PKHD1L1: variants seen among roughly 807,000 people sequenced by gnomAD.
PKHD1L1 encodes fibrocystin-L.
PKHD1L1 carries 434 observed loss-of-function variants against 462.9 expected under a neutral mutation model. That is an observed-to-expected ratio of 0.94 (90% confidence interval 0.87 to 1.02). The LOEUF (loss-of-function observed/expected upper bound fraction) is 1.02, where lower values mean the gene tolerates loss of function less well. Ranked by LOEUF, PKHD1L1 falls within the 50% of genes least tolerant of loss-of-function variation. PKHD1L1 has a pLI of 0.00. For synonymous variants in PKHD1L1, 1,781 were observed against 1,750.0 expected, an observed-to-expected ratio of 1.02 and a Z score of -0.44; for missense variants, 5,202 against 5,096.1, an observed-to-expected ratio of 1.02 and a Z score of -0.63.
chr8:109,477,881 G>A (rs1818073692), intron 53 of PKHD1L1, among the ~76,000 whole-genome samples: 1 of 152,094 alleles, frequency 6.6e-6, no homozygotes, highest in Non-Finnish European at 1.5e-5. Context: ...AATTCTTTTA[G>A]TTAAAAACAA....
chr8:109,480,189 A>G, intron 55 of PKHD1L1, 50 bp downstream of exon 55: 1 of 1,483,308 alleles, frequency 6.7e-7, no homozygotes, highest in Non-Finnish European at 9.0e-7. Context: ...TAATTCTAAA[A>G]TGTGTATTTA....
intron 9 of PKHD1L1, among the ~76,000 whole-genome samples, chr8:109,393,357 A>C (rs1480189497): frequency 6.6e-6 from 1 of 152,166 alleles, no homozygotes; most frequent in Non-Finnish European, 1.5e-5. Context: ...TTAATATTTG[A>C]ATTTCTTAAC....
chr8:109,449,555 CT>C (rs1429810482), intron 40 of PKHD1L1, 68 bp downstream of exon 40: 27 of 1,374,804 alleles, frequency 2.0e-5, no homozygotes, highest in Non-Finnish European at 2.5e-5. Context: ...CAGTTAATTT[CT>C]TTTTTCAAGT....
At chr8:109,405,186 T>G (rs1813471960) in intron 16 of PKHD1L1, 56 bp downstream of exon 16, 2 of 1,114,382 alleles carry the variant, frequency 1.8e-6, no homozygotes, top group Non-Finnish European at 2.5e-6. Context: ...GATGTAGTCA[T>G]AAAGTATTTG....
Position 109,444,843 on chromosome 8 carries a change from GC to G in PKHD1L1, c.4976del (p.Pro1659GlnfsTer16). 6.2e-7 allele frequency: 1 copy of G among 1,613,994 alleles called. No individual in the cohort carries two copies. The highest frequency in any genetic ancestry group is 2.2e-5 in the East Asian group (1 of 44,882). On this transcript the variant is annotated frameshift_variant, in exon 38 of 78. Coordinates refer to ENST00000378402, the MANE Select transcript of PKHD1L1 (RefSeq NM_177531.6). LOFTEE classifies it high-confidence loss of function. ...NEFDRRFVLLPNIDLVLPNAG... is the reference protein window; with the variant it reads ...NEFDRRFVLLXNIDLVLPNAG... ...AATTTGATAGGCGATTTGTACTTTT[GC>G]CAAACATTGACCTGGTGTTGCCAAA... is the stretch of plus-strand genomic sequence containing the variant.
intron 63 of PKHD1L1, among the ~76,000 whole-genome samples, chr8:109,495,713 T>G (rs1457374051): frequency 2.6e-5 from 4 of 152,004 alleles, no homozygotes; most frequent in African/African-American, 9.7e-5. Context: ...ATAAATAAAA[T>G]GTAAAACCCA....
chr8:109,510,081 T>C (rs2130985900), intron 70 of PKHD1L1, among the ~76,000 whole-genome samples: 1 of 152,258 alleles, frequency 6.6e-6, no homozygotes, highest in African/African-American at 2.4e-5. Context: ...ATTTCTTAGG[T>C]GGCTTCAGTT....
chr8:109,384,042 T>A (rs1327101369), intron 4 of PKHD1L1, 28 bp from the exon 5 acceptor site: 1 of 1,486,610 alleles, frequency 6.7e-7, no homozygotes, highest in Non-Finnish European at 9.4e-7. Flanking sequence ...AGAGATAAGT[T>A]TTCATATTGA....
chr8:109,373,887 T>C (rs1811656382), intron 2 of PKHD1L1, among the ~76,000 whole-genome samples: 1 of 152,222 alleles, frequency 6.6e-6, no homozygotes, highest in African/African-American at 2.4e-5. Flanking sequence ...ATAATTTCTA[T>C]TCTTTTACAT....
At chr8:109,454,895 C>CT in intron 45 of PKHD1L1, 43 bp downstream of exon 45, 1 of 1,560,330 alleles carries the variant, frequency 6.4e-7, no homozygotes. Context: ...GAGGAAGACT[C>CT]ACCAGGACAC....
chr8:109,425,151 A>G lies in PKHD1L1; in HGVS notation c.2764A>G (p.Ile922Val), dbSNP rs777198960. 4.3e-6 allele frequency: 7 copies of G among 1,610,970 alleles called. No individual in the cohort carries two copies. The Admixed American group carries it at 1.2e-4, about 27-fold the overall frequency. The change falls in exon 24 of 78, where the codon ATT (isoleucine) becomes GTT (valine). Residue 922 changes from isoleucine (I) to valine (V), a missense_variant. By Grantham distance (29) the Ile-to-Val change is conservative. Around this residue, in one of 3 missense-constraint regions of PKHD1L1, gnomAD observed 4,497 missense variants for 4,336.8 expected, o/e 1.04. Transcript: ENST00000378402. ...AAATAATTGGCCAGGCGAGTCAAAA[A>G]TTCATATTCAAAGAATTCAAGCTGC... ...RGNNWPGESK[I>V]HIQRIQAASP...
Position 109,465,234 on chromosome 8 carries a change from G to T in PKHD1L1, c.8402G>T (p.Gly2801Val). 1 of 1,612,110 alleles carries T rather than the reference G, an allele frequency of 6.2e-7. No individual in the cohort carries two copies. The highest frequency in any genetic ancestry group is 1.1e-5 in the South Asian group (1 of 90,786). Residue 2801 changes from glycine (G) to valine (V), a missense_variant, in exon 49 of 78, where the codon GGC becomes GTC. By Grantham distance (109) the Gly-to-Val change is moderately radical. This residue lies in a region of PKHD1L1 where 4,497 missense variants were observed against 4,336.8 expected (regional missense o/e 1.04). Transcript: ENST00000378402. The stretch of plus-strand genomic sequence containing the variant: ...GAAATGGTAATGATTGATGTTGATG[G>T]CTCACTTACAGGTAATGTTATTTTT... ...EHEMVMIDVD[G>V]SLTGHKGHTV...
chr8:109,469,124 G>T (rs995863570), intron 50 of PKHD1L1, among the ~76,000 whole-genome samples: 7 of 152,016 alleles, frequency 4.6e-5, no homozygotes, highest in African/African-American at 1.7e-4. Context: ...ATATCTAATG[G>T]TTAAGCACTG....
chr8:109,527,093 G>T (rs1488438380), intron 77 of PKHD1L1, 73 bp downstream of exon 77: 4 of 1,267,814 alleles, frequency 3.2e-6, no homozygotes, highest in Non-Finnish European at 4.4e-6. Flanking sequence ...AAGGCTGTGT[G>T]CACAGCTCTT....
chr8:109,413,094 T>G (rs1299812658), intron 20 of PKHD1L1, among the ~76,000 whole-genome samples: 1 of 152,138 alleles, frequency 6.6e-6, no homozygotes, highest in African/African-American at 2.4e-5. Context: ...CATTGGACTT[T>G]TAAATTTACT....
chr8:109,402,573 G>C (rs920030870), intron 14 of PKHD1L1, among the ~76,000 whole-genome samples: 6 of 152,152 alleles, frequency 3.9e-5, no homozygotes, highest in African/African-American at 1.4e-4. Flanking sequence ...GCAGTAAAGA[G>C]GGGAGTCCTA....
rs778222952 is a variant in PKHD1L1 at position 109,429,977 on chromosome 8, T to C, written c.3169T>C (p.Cys1057Arg). Residue 1057 changes from cysteine (C) to arginine (R), a missense_variant, in exon 27 of 78, where the codon TGT (cysteine) becomes CGT (arginine). By Grantham distance (180) the Cys-to-Arg change is radical. Transcript: ENST00000378402. ...AATTCCAGCTAAATGTTCAGGTGAC[T>C]GTGGATTTACATGGGATTCCAACAT... is the stretch of plus-strand genomic sequence containing the variant. ...NGIPAKCSGD[C>R]GFTWDSNITP... 1.2e-6 allele frequency: 2 copies of C among 1,611,000 alleles called. No homozygotes were observed. The highest frequency in any genetic ancestry group is 1.7e-6 in the Non-Finnish European group (2 of 1,178,536).
chr8:109,498,450 A>G lies in PKHD1L1; in HGVS notation c.10600-12A>G, dbSNP rs754200351. The G allele has an allele frequency of 6.3e-7, 1 of 1,575,958 alleles. No homozygotes were observed. Among genetic ancestry groups the G allele is most frequent in the African/African-American group, 1.4e-5 (1 of 74,068 alleles). The stretch of plus-strand genomic sequence containing the variant: ...TTATTAATGCTATATTGTTTGGCTT[A>G]TTTCCAAACAGAGCTCATTAATTGT... On this transcript the variant is annotated splice_polypyrimidine_tract_variant and intron_variant, in intron 65 of 77. Transcript: ENST00000378402.
At chr8:109,461,669 G>A in intron 47 of PKHD1L1, 103 bp from the exon 48 acceptor site, 2 of 1,230,964 alleles carry the variant, frequency 1.6e-6, no homozygotes, top group Non-Finnish European at 2.3e-6. Context: ...GGATGAGGTT[G>A]AGATCATATG....
Sources: allele counts gnomAD v4.1 joint callset (sites outside exome capture counted in the v4.1 genomes callset), GRCh38; gene constraint gnomAD v4.1.1; regional missense constraint gnomAD v4.1.1; transcripts MANE v1.5; gene names NCBI Gene and HGNC (gene_info 2026-07-23, HGNC 2026-07-21).